PCDH9: variants seen among roughly 807,000 people sequenced by gnomAD.
PCDH9 encodes the protein protocadherin-9.
Under a neutral mutation model 70.6 loss-of-function variants are expected in PCDH9, and 24 were observed. That is an observed-to-expected ratio of 0.34 (90% CI 0.25 to 0.48). The LOEUF (loss-of-function observed/expected upper bound fraction) is 0.48, where lower values mean the gene tolerates loss of function less well. Ranked by LOEUF, PCDH9 falls within the 20% of genes least tolerant of loss-of-function variation. The pLI is 0.99. For synonymous variants in PCDH9, 562 were observed against 558.5 expected (o/e 1.01, Z -0.09); for missense variants, 1,281 against 1,503.6 (o/e 0.85, Z 2.45).
At chr13:66,761,984 C>A (rs1302682570) in intron 3 of PCDH9, among the ~76,000 whole-genome samples, 1 of 151,324 alleles carries the variant, frequency 6.6e-6, no homozygotes, top group African/African-American at 2.5e-5. Context: ...ATTGAAAAAA[C>A]ATTTTTTCCA....
intron 2 of PCDH9, among the ~76,000 whole-genome samples, chr13:67,181,201 G>A (rs911628732): frequency 5.9e-5 from 9 of 152,150 alleles, no homozygotes; most frequent in African/African-American, 1.7e-4. Flanking sequence ...AGTCAAAAGA[G>A]GAGTTCCTGG....
At chr13:66,552,589 G>T (rs915785349) in intron 4 of PCDH9, among the ~76,000 whole-genome samples, 13 of 152,046 alleles carry the variant, frequency 8.6e-5, no homozygotes, top group African/African-American at 3.1e-4. Context: ...CTTCAGTTTA[G>T]TTCCATAAAC....
chr13:67,094,030 C>A (rs958870812), intron 2 of PCDH9, among the ~76,000 whole-genome samples: 7 of 152,064 alleles, frequency 4.6e-5, no homozygotes, highest in African/African-American at 1.4e-4. Context: ...AATACATATG[C>A]TGATTTAATA....
At chr13:66,765,691 C>A (rs182032669) in intron 3 of PCDH9, among the ~76,000 whole-genome samples, 2 of 152,194 alleles carry the variant, frequency 1.3e-5, no homozygotes, top group East Asian at 3.9e-4. Flanking sequence ...GAATAATTTA[C>A]TTTCAAATGT....
In PCDH9 at chr13:67,119,924, A is replaced by G. The variant is rs546298100; in HGVS notation, c.3036+105481T>C. Among the ~76,000 whole-genome samples the G allele has an allele frequency of 7.2e-5, 11 of 152,196 alleles. No homozygotes were observed. The South Asian group carries it at 2.3e-3, about 32-fold the overall frequency. On this transcript the variant is annotated intron_variant, in intron 2 of 4. Coordinates refer to ENST00000377865, the MANE Select transcript of PCDH9 (RefSeq NM_203487.3). ...AAGCACTCAGTGGCTTTTGTTTAAC[A>G]TTACCAAATCTTCCACAATCGGGTG...
chr13:66,523,569 TAC>T (rs746989014), intron 4 of PCDH9, among the ~76,000 whole-genome samples: 22 of 151,092 alleles, frequency 1.5e-4, no homozygotes, highest in African/African-American at 4.1e-4. Flanking sequence ...CATATACATA[TAC>T]ACACACACAC....
intron 3 of PCDH9, among the ~76,000 whole-genome samples, chr13:66,893,416 G>A (rs1224656667): frequency 1.3e-5 from 2 of 151,992 alleles, no homozygotes; most frequent in Non-Finnish European, 2.9e-5. Context: ...GCTTATCTGG[G>A]GTTTAATCCA....
intron 2 of PCDH9, chr13:67,214,972 A>ATATATATATATATATATATT (rs1566500830): frequency 8.0e-6 from 1 of 124,354 alleles, no homozygotes; most frequent in Non-Finnish European, 1.8e-5. Context: ...ATATATATAT[A>ATATATATATATATATATATT]TTCACTTAAT....
At chr13:66,330,044 T>A (rs1180829589) in intron 4 of PCDH9, among the ~76,000 whole-genome samples, 1 of 152,202 alleles carries the variant, frequency 6.6e-6, no homozygotes, top group Non-Finnish European at 1.5e-5. Context: ...TTTAACCCAA[T>A]TAGAGGATTA....
chr13:67,138,622 A>G (rs955909840), intron 2 of PCDH9, among the ~76,000 whole-genome samples: 4 of 152,182 alleles, frequency 2.6e-5, no homozygotes, highest in African/African-American at 9.7e-5. Context: ...GGGGGTATTT[A>G]AACTCCCAAA....
chr13:66,854,562 C>T (rs1349546520), intron 3 of PCDH9, among the ~76,000 whole-genome samples: 1 of 152,032 alleles, frequency 6.6e-6, no homozygotes, highest in Non-Finnish European at 1.5e-5. Context: ...TTGAACAAGG[C>T]AATGCTGTTT....
intron 2 of PCDH9, among the ~76,000 whole-genome samples, chr13:66,913,768 G>A (rs2082511080): frequency 6.6e-6 from 1 of 151,882 alleles, no homozygotes; most frequent in African/African-American, 2.4e-5. Flanking sequence ...GTTGTTAAAG[G>A]GACTGTAGGA....
intron 4 of PCDH9, among the ~76,000 whole-genome samples, chr13:66,311,368 G>C (rs200244877): frequency 0.015 from 264 of 17,104 alleles, 3 homozygotes; most frequent in East Asian, 0.11. Flanking sequence ...CTCTCTCTCT[G>C]TGTGTGTGTG....
At chr13:66,354,294 G>T (rs1360998403) in intron 4 of PCDH9, among the ~76,000 whole-genome samples, 1 of 152,012 alleles carries the variant, frequency 6.6e-6, no homozygotes, top group African/African-American at 2.4e-5. Context: ...CTTTTAAAAG[G>T]CAGAAATAAA....
chr13:66,946,862 A>G (rs2083096450), intron 2 of PCDH9, among the ~76,000 whole-genome samples: 1 of 152,186 alleles, frequency 6.6e-6, no homozygotes, highest in Non-Finnish European at 1.5e-5. Context: ...TCTTCTGCAA[A>G]ATGAATGTAC....
At chr13:66,719,294 T>C (rs2078911148) in intron 3 of PCDH9, among the ~76,000 whole-genome samples, 1 of 152,146 alleles carries the variant, frequency 6.6e-6, no homozygotes, top group Non-Finnish European at 1.5e-5. Flanking sequence ...TTGCTGTGGT[T>C]TGAAGGTATC....
At chr13:66,923,271 G>A (rs1168096773) in intron 2 of PCDH9, among the ~76,000 whole-genome samples, 1 of 151,448 alleles carries the variant, frequency 6.6e-6, no homozygotes, top group African/African-American at 2.4e-5. Flanking sequence ...ACATTTCATA[G>A]CTAATTATAT....
intron 4 of PCDH9, among the ~76,000 whole-genome samples, chr13:66,443,674 C>T (rs932846338): frequency 6.6e-6 from 1 of 151,828 alleles, no homozygotes; most frequent in South Asian, 2.1e-4. Context: ...AAGAGCTTGT[C>T]TTCAGTTCTT....
chr13:67,080,051 T>C, intron 2 of PCDH9, among the ~76,000 whole-genome samples: 1 of 152,136 alleles, frequency 6.6e-6, no homozygotes, highest in East Asian at 1.9e-4. Flanking sequence ...GCAATTCCTG[T>C]CTCCCTGAAA....
Sources: gnomAD v4.1 joint callset for allele counts (sites outside exome capture counted in the v4.1 genomes callset) on GRCh38, gnomAD v4.1.1 for gene constraint, MANE v1.5 for transcripts, NCBI Gene and HGNC (gene_info 2026-07-23, HGNC 2026-07-21) for gene names.